MARCHF1: variants seen among roughly 807,000 people sequenced by gnomAD.
MARCHF1 encodes the protein E3 ubiquitin-protein ligase MARCHF1.
Under a neutral mutation model 54.2 loss-of-function variants are expected in MARCHF1, and 40 were observed. That is an observed-to-expected ratio of 0.74 (90% confidence interval 0.57 to 0.96). MARCHF1 has a LOEUF of 0.96. Among genes scored for constraint, MARCHF1 ranks in the 40% least tolerant of loss-of-function variants. The pLI, the probability that MARCHF1 is intolerant of heterozygous loss-of-function variation, is 0.00. For synonymous variants in MARCHF1, 236 were observed against 236.3 expected, an observed-to-expected ratio of 1.00 and a Z score of 0.01; for missense variants, 586 against 656.5, an observed-to-expected ratio of 0.89 and a Z score of 1.17.
intron 8 of MARCHF1, among the ~76,000 whole-genome samples, chr4:163,557,530 T>C (rs565363165): frequency 6.6e-6 from 1 of 152,274 alleles, no homozygotes; most frequent in Non-Finnish European, 1.5e-5. Flanking sequence ...GCTTTCTATG[T>C]GAAATTTTTT....
intron 1 of MARCHF1, among the ~76,000 whole-genome samples, chr4:164,327,469 T>C (rs2110788329): frequency 6.6e-6 from 1 of 152,214 alleles, no homozygotes; most frequent in East Asian, 1.9e-4. Context: ...GAGAGGAATG[T>C]GGTGAGGTGG....
At chr4:163,752,569 G>A (rs751668725) in intron 4 of MARCHF1, among the ~76,000 whole-genome samples, 20 of 152,212 alleles carry the variant, frequency 1.3e-4, no homozygotes, top group African/African-American at 4.6e-4. Context: ...ATTATAAAAA[G>A]AAGAGACAAG....
At chr4:163,816,909 C>G (rs1393129056) in intron 4 of MARCHF1, among the ~76,000 whole-genome samples, 1 of 152,048 alleles carries the variant, frequency 6.6e-6, no homozygotes, top group Non-Finnish European at 1.5e-5. Context: ...GCAATCATCC[C>G]AATAGCTATG....
chr4:164,015,462 A>C (rs1365179924), intron 2 of MARCHF1, among the ~76,000 whole-genome samples: 1 of 152,208 alleles, frequency 6.6e-6, no homozygotes, highest in African/African-American at 2.4e-5. Flanking sequence ...ATGAGATCAC[A>C]TCAAGCTAAA....
At position 164,305,780 on chromosome 4, in the gene MARCHF1, G is replaced by A. The variant is rs114319317; in HGVS notation, c.-323+78090C>T. 4.8e-3 allele frequency among the ~76,000 whole-genome samples: 729 copies of A among 152,110 alleles called. 5 individuals carry two copies. Among genetic ancestry groups the A allele is most frequent in the African/African-American group, 0.017 (691 of 41,526 alleles). Reference sequence around the variant, plus strand: ...AGATTTTGAATGATCACAACATAAAGAAATGACAAATGTTCCAGACGAAGA... The same window carrying A: ...AGATTTTGAATGATCACAACATAAAAAAATGACAAATGTTCCAGACGAAGA... On this transcript the variant is annotated intron_variant, in intron 1 of 9. Coordinates refer to ENST00000514618, the MANE Select transcript of MARCHF1 (RefSeq NM_001394959.1).
intron 3 of MARCHF1, among the ~76,000 whole-genome samples, chr4:163,903,875 C>A (rs1433799910): frequency 6.6e-6 from 1 of 152,064 alleles, no homozygotes; most frequent in East Asian, 1.9e-4. Flanking sequence ...CTTGGCCTCC[C>A]AAAGTTCTAG....
chr4:164,052,035 C>T (rs2111045554), intron 2 of MARCHF1, among the ~76,000 whole-genome samples: 1 of 151,676 alleles, frequency 6.6e-6, no homozygotes, highest in Admixed American at 6.6e-5. Flanking sequence ...CAATAAACAG[C>T]AAAAGTCAAA....
At chr4:163,826,858 T>G (rs1470640988) in intron 4 of MARCHF1, among the ~76,000 whole-genome samples, 17 of 151,998 alleles carry the variant, frequency 1.1e-4, no homozygotes, top group Non-Finnish European at 4.4e-5. Context: ...CCAGCAGAGA[T>G]AAAAATTTGG....
chr4:164,361,945 G>C (rs1238364029), intron 1 of MARCHF1, among the ~76,000 whole-genome samples: 1 of 151,978 alleles, frequency 6.6e-6, no homozygotes, highest in African/African-American at 2.4e-5. Context: ...TACAAATTCA[G>C]AGTAATACTT....
intron 5 of MARCHF1, among the ~76,000 whole-genome samples, chr4:163,626,163 A>T (rs1339222624): frequency 6.6e-6 from 1 of 152,234 alleles, no homozygotes; most frequent in African/African-American, 2.4e-5. Context: ...CACTAATTTT[A>T]TCAAAGTTAT....
At chr4:163,686,981 G>A (rs557034145) in intron 5 of MARCHF1, among the ~76,000 whole-genome samples, 2 of 152,148 alleles carry the variant, frequency 1.3e-5, no homozygotes, top group Non-Finnish European at 2.9e-5. Context: ...TTACCTTGCA[G>A]TGCATAGATT....
chr4:163,743,627 G>A (rs972838704), intron 4 of MARCHF1, among the ~76,000 whole-genome samples: 9 of 144,102 alleles, frequency 6.2e-5, no homozygotes, highest in African/African-American at 1.8e-4. Context: ...CGCCCAGGCT[G>A]GAGGGCAGTG....
intron 2 of MARCHF1, among the ~76,000 whole-genome samples, chr4:163,992,385 A>T (rs986409503): frequency 6.6e-6 from 1 of 152,134 alleles, no homozygotes; most frequent in African/African-American, 2.4e-5. Context: ...GGCATATGGC[A>T]ATTAATATCT....
At chr4:163,725,023 A>G (rs1332007569) in intron 4 of MARCHF1, among the ~76,000 whole-genome samples, 1 of 151,920 alleles carries the variant, frequency 6.6e-6, no homozygotes, top group African/African-American at 2.4e-5. Flanking sequence ...TCCTGCCCCC[A>G]CTGTCCAACG....
chr4:163,854,645 CATG>C (rs1225520857), intron 3 of MARCHF1, among the ~76,000 whole-genome samples: 1 of 152,092 alleles, frequency 6.6e-6, no homozygotes, highest in Non-Finnish European at 1.5e-5. Flanking sequence ...CTGGCAGTGC[CATG>C]ATTTTCTCTC....
intron 4 of MARCHF1, among the ~76,000 whole-genome samples, chr4:163,828,329 A>T (rs2111083415): frequency 6.6e-6 from 1 of 152,262 alleles, no homozygotes; most frequent in South Asian, 2.1e-4. Flanking sequence ...GATTTTCATA[A>T]CTATTTTTAC....
chr4:164,199,599 A>G (rs111942692), intron 1 of MARCHF1, among the ~76,000 whole-genome samples: 1,728 of 148,716 alleles, frequency 0.012, 34 homozygotes, highest in African/African-American at 0.041. Flanking sequence ...TCACTCCACT[A>G]CACTCCAGCC....
At chr4:164,152,919 C>T (rs77811351) in intron 1 of MARCHF1, among the ~76,000 whole-genome samples, 29,831 of 151,898 alleles carry the variant, frequency 0.2, 4,783 homozygotes, top group African/African-American at 0.43. Context: ...TCCGCCTTCC[C>T]AAACCAAACC....
At chr4:164,147,157 T>C (rs1396557723) in intron 1 of MARCHF1, among the ~76,000 whole-genome samples, 1 of 151,382 alleles carries the variant, frequency 6.6e-6, no homozygotes, top group Non-Finnish European at 1.5e-5. Flanking sequence ...TGACAATCAT[T>C]AAAAGTCAGG....
Sources: allele counts gnomAD v4.1 joint callset (sites outside exome capture counted in the v4.1 genomes callset), GRCh38; gene constraint gnomAD v4.1.1; transcripts MANE v1.5; gene names NCBI Gene and HGNC (gene_info 2026-07-23, HGNC 2026-07-21).